Variants in CUX2 observed in about 807,000 individuals in gnomAD.
CUX2 encodes the protein cut like homeobox 2, also known as homeobox protein cut-like 2.
A neutral mutation model predicts 144.8 loss-of-function variants in CUX2; 40 were observed. The observed-to-expected ratio is 0.28, with a 90% CI of 0.21 to 0.36. CUX2 has a LOEUF of 0.36. Ranked by LOEUF, CUX2 falls within the 10% of genes least tolerant of loss-of-function variation. The pLI is 1.00. For synonymous variants in CUX2, 827 were observed against 875.6 expected, an observed-to-expected ratio of 0.94 and a Z score of 0.98; for missense variants, 1,615 against 1,994.0, an observed-to-expected ratio of 0.81 and a Z score of 3.62.
intron 1 of CUX2, among the ~76,000 whole-genome samples, chr12:111,094,907 C>T (rs1872731891): frequency 6.6e-6 from 1 of 152,180 alleles, no homozygotes; most frequent in African/African-American, 2.4e-5. Flanking sequence ...CTTATTTAAC[C>T]AGGGAGGCTC....
intron 3 of CUX2, among the ~76,000 whole-genome samples, chr12:111,250,606 A>T (rs1883516703): frequency 6.6e-6 from 1 of 152,218 alleles, no homozygotes; most frequent in African/African-American, 2.4e-5. Flanking sequence ...TTGGGAAGAC[A>T]TCCTCATCAG....
In CUX2 at chr12:111,118,643, C is replaced by T. The variant is rs111285145; in HGVS notation, c.63+84403C>T. The stretch of plus-strand genomic sequence containing the variant: ...CAATGGATCCAACTGGTCCCAGGGC[C>T]GGACCAGCTTCCATGAGGCTGCTGC... On this transcript the variant is annotated intron_variant, in intron 1 of 21. Coordinates refer to ENST00000261726, the MANE Select transcript of CUX2 (RefSeq NM_015267.4). 9.9e-3 allele frequency among the ~76,000 whole-genome samples: 1,506 copies of T among 152,242 alleles called. 32 individuals carry two copies. Among genetic ancestry groups the T allele is most frequent in the African/African-American group, 0.035 (1,437 of 41,518 alleles).
intron 1 of CUX2, among the ~76,000 whole-genome samples, chr12:111,078,497 ATC>A (rs779453945): frequency 8.5e-5 from 13 of 152,048 alleles, no homozygotes; most frequent in Non-Finnish European, 1.6e-4. Flanking sequence ...TGAGACCCCC[ATC>A]TCTACACAAA....
intron 4 of CUX2, among the ~76,000 whole-genome samples, chr12:111,268,712 G>C (rs182380037): frequency 9.8e-5 from 15 of 152,382 alleles, no homozygotes; most frequent in Non-Finnish European, 1.9e-4. Flanking sequence ...TCATGGCCAA[G>C]AGGCCCAGTG....
Position 111,291,321 on chromosome 12 carries a change from C to T in CUX2, c.302-97C>T, listed in dbSNP as rs550875311. ...TTCCTGTAAGCCAGCGGGGTGACTC[C>T]GATGGCTCCTGTGGAACCTGCCAGG... On this transcript the variant is annotated intron_variant, in intron 4 of 21. Coordinates refer to ENST00000261726, the MANE Select transcript of CUX2 (RefSeq NM_015267.4). 50 of 1,430,368 alleles carry T rather than the reference C, an allele frequency of 3.5e-5. No homozygotes were observed. In the East Asian group the frequency reaches 7.4e-4, roughly 21 times the overall value. The allele number at this position is 1,430,368 out of a possible 1,614,324, so 88.6% of individuals were successfully genotyped here.
intron 1 of CUX2, among the ~76,000 whole-genome samples, chr12:111,191,337 A>C (rs1879868838): frequency 6.7e-6 from 1 of 148,454 alleles, no homozygotes; most frequent in African/African-American, 2.5e-5. Flanking sequence ...TTATTTATTT[A>C]TTTATTTATT....
chr12:111,233,033 T>C (rs7954035), intron 3 of CUX2, among the ~76,000 whole-genome samples: 2,697 of 152,156 alleles, frequency 0.018, 78 homozygotes, highest in African/African-American at 0.061. Context: ...AAGTGACCTG[T>C]GTATGAATTG....
At position 111,287,428 on chromosome 12, in the gene CUX2, A is replaced by C. The variant is rs961174652; in HGVS notation, c.302-3990A>C. ...TCGTTGCCTTTTTTCCTCCTGTCTCAAAAACCGGGACACAATAGGAAGCGT... is the reference window on the plus strand; with the variant it reads ...TCGTTGCCTTTTTTCCTCCTGTCTCCAAAACCGGGACACAATAGGAAGCGT... On this transcript the variant is annotated intron_variant, in intron 4 of 21. Transcript: ENST00000261726. The surrounding 1 kb of genome is among the most constrained non-coding windows in gnomAD (Gnocchi z 4.2). Among the ~76,000 whole-genome samples, 33 of 152,262 alleles carry C rather than the reference A, an allele frequency of 2.2e-4. No homozygotes were observed. Among genetic ancestry groups the C allele is most frequent in the African/African-American group, 8.0e-4 (33 of 41,472 alleles).
At chr12:111,278,838 G>C (rs1884998267) in intron 4 of CUX2, among the ~76,000 whole-genome samples, 1 of 152,174 alleles carries the variant, frequency 6.6e-6, no homozygotes, top group African/African-American at 2.4e-5. Flanking sequence ...TAAACGGGAG[G>C]CCCTCAGGTT....
intron 1 of CUX2, among the ~76,000 whole-genome samples, chr12:111,043,937 G>C (rs1438215732): frequency 6.6e-6 from 1 of 152,142 alleles, no homozygotes; most frequent in Non-Finnish European, 1.5e-5. Context: ...CCCGTGCTGC[G>C]CTGGAAATCC....
At chr12:111,041,926 T>C (rs1470086677) in intron 1 of CUX2, among the ~76,000 whole-genome samples, 1 of 152,164 alleles carries the variant, frequency 6.6e-6, no homozygotes, top group African/African-American at 2.4e-5. Flanking sequence ...GAGCCTGCTG[T>C]CTCTGCTTCT....
chr12:111,258,512 C>CA (rs895707620), intron 3 of CUX2, among the ~76,000 whole-genome samples: 6,384 of 65,444 alleles, frequency 0.098, 188 homozygotes, highest in Middle Eastern at 0.22. Flanking sequence ...GACTCCATCT[C>CA]AAAAAAAAAA....
chr12:111,267,619 A>T (rs2136296635), intron 4 of CUX2, among the ~76,000 whole-genome samples: 1 of 152,304 alleles, frequency 6.6e-6, no homozygotes. Context: ...AACAACAGAG[A>T]TTCATTCCGT....
At chr12:111,055,407 C>G (rs774556235) in intron 1 of CUX2, among the ~76,000 whole-genome samples, 1 of 152,262 alleles carries the variant, frequency 6.6e-6, no homozygotes, top group Non-Finnish European at 1.5e-5. Flanking sequence ...CTGGAAGTCG[C>G]AATGAGGCGG....
chr12:111,308,646 G>T, intron 14 of CUX2, 120 bp downstream of exon 14: 1 of 820,726 alleles, frequency 1.2e-6, no homozygotes, highest in Non-Finnish European at 1.9e-6. Flanking sequence ...CAGAACAACA[G>T]GTGTGCATTG....
chr12:111,234,467 A>G (rs982374176), intron 3 of CUX2, among the ~76,000 whole-genome samples: 3 of 151,860 alleles, frequency 2.0e-5, no homozygotes, highest in Non-Finnish European at 4.4e-5. Context: ...AGGTCCACTT[A>G]AAAAAAAGCC....
Position 111,178,904 on chromosome 12 carries a change from G to A in CUX2, c.64-35296G>A, listed in dbSNP as rs779620796. The stretch of plus-strand genomic sequence containing the variant: ...CAGGAGCGTGTCTGGACTCTGTAAC[G>A]GGGAATGACAGCAAGGGGGTCAGCG... On this transcript the variant is annotated intron_variant, in intron 1 of 21. Coordinates refer to ENST00000261726, the MANE Select transcript of CUX2 (RefSeq NM_015267.4). The surrounding 1 kb of genome is among the most constrained non-coding windows in gnomAD (Gnocchi z 5.7). 2.0e-5 allele frequency among the ~76,000 whole-genome samples: 3 copies of A among 152,244 alleles called. No homozygotes were observed. Among genetic ancestry groups the A allele is most frequent in the Admixed American group, 2.0e-4 (3 of 15,298 alleles).
intron 9 of CUX2, among the ~76,000 whole-genome samples, chr12:111,301,756 C>A (rs1262780951): frequency 6.6e-6 from 1 of 152,196 alleles, no homozygotes; most frequent in East Asian, 1.9e-4. Flanking sequence ...CTCTCACAGT[C>A]CTGGAATTAT....
At chr12:111,099,340 G>C (rs975440013) in intron 1 of CUX2, 1 of 347,332 alleles carries the variant, frequency 2.9e-6, no homozygotes, top group Non-Finnish European at 5.7e-6. Flanking sequence ...CTGGAGGCCA[G>C]AGGCAGTGCT....
Sources: allele counts gnomAD v4.1 joint callset (sites outside exome capture counted in the v4.1 genomes callset), GRCh38; gene constraint gnomAD v4.1.1; non-coding constraint Gnocchi (gnomAD v3.1); transcripts MANE v1.5; gene names NCBI Gene and HGNC (gene_info 2026-07-23, HGNC 2026-07-21).